Variants in RFX3 observed in about 807,000 individuals in gnomAD.
RFX3 encodes regulatory factor X3.
Under a neutral mutation model 98.6 loss-of-function variants are expected in RFX3, and 14 were observed. The ratio of observed to expected loss-of-function variants is 0.14; its 90% CI spans 0.09 to 0.22. The LOEUF is 0.22. RFX3 is among the 10% of genes least tolerant of loss of function. The probability of loss-of-function intolerance (pLI) is 1.00; values close to 1 mark genes in which losing one functional copy is unlikely to be tolerated. For missense variants in RFX3, 639 were observed against 926.9 expected, an observed-to-expected ratio of 0.69 and a Z score of 4.03; for synonymous variants, 383 against 328.4, an observed-to-expected ratio of 1.17 and a Z score of -1.80.
chr9:3,448,297 A>C (rs1023379659), intron 1 of RFX3, among the ~76,000 whole-genome samples: 1 of 152,174 alleles, frequency 6.6e-6, no homozygotes, highest in African/African-American at 2.4e-5. Context: ...CTTTCCAAAA[A>C]AGGAGAGTCA....
intron 1 of RFX3, among the ~76,000 whole-genome samples, chr9:3,427,601 G>A (rs1354066748): frequency 6.6e-6 from 1 of 151,352 alleles, no homozygotes; most frequent in East Asian, 1.9e-4. Context: ...TATAATTACT[G>A]TCTAAACACC....
chr9:3,325,975 G>A (rs1442445003), intron 4 of RFX3, among the ~76,000 whole-genome samples: 1 of 152,108 alleles, frequency 6.6e-6, no homozygotes, highest in Non-Finnish European at 1.5e-5. Context: ...TAATGTCCAT[G>A]TGCTACTGAA....
chr9:3,275,743 T>G (rs896072408), intron 8 of RFX3, 131 bp from the exon 9 acceptor site: 2 of 533,900 alleles, frequency 3.7e-6, no homozygotes, highest in Non-Finnish European at 6.7e-6. Flanking sequence ...AGCAAGGACA[T>G]TTTATATTAA....
chr9:3,489,345 C>A (rs759726315), intron 1 of RFX3: 123 of 749,210 alleles, frequency 1.6e-4, no homozygotes, highest in Non-Finnish European at 1.9e-4. Context: ...CTATCCACCC[C>A]ACCCTGACTC....
rs370122210 is a variant in RFX3, at chr9:3,424,555, C to T, written c.-8-28959G>A. Among the ~76,000 whole-genome samples, 1,127 of 150,246 alleles carry T rather than the reference C, an allele frequency of 7.5e-3. 15 individuals are homozygous for T. Among genetic ancestry groups the T allele is most frequent in the East Asian group, 0.016 (80 of 4,944 alleles). ...TTTTGTATTTTTAGTAGAGACGGGG[C>T]TTCACCGTGTTAGCCGGGATGGTCT... is the stretch of plus-strand genomic sequence containing the variant. On this transcript the variant is annotated intron_variant, in intron 1 of 16. Coordinates refer to ENST00000617270, the MANE Select transcript of RFX3 (RefSeq NM_001282116.2).
At chr9:3,500,833 ATACT>A (rs1815923483) in intron 1 of RFX3, among the ~76,000 whole-genome samples, 1 of 152,190 alleles carries the variant, frequency 6.6e-6, no homozygotes. Context: ...CAGTTATTTA[ATACT>A]TAGTCAATTA....
intron 2 of RFX3, among the ~76,000 whole-genome samples, chr9:3,351,666 C>G: frequency 6.6e-6 from 1 of 151,782 alleles, no homozygotes; most frequent in Non-Finnish European, 1.5e-5. Flanking sequence ...GGGTGGGTCA[C>G]AAAATTAAAA....
chr9:3,518,988 T>G (rs1818446161), intron 1 of RFX3, among the ~76,000 whole-genome samples: 1 of 152,048 alleles, frequency 6.6e-6, no homozygotes, highest in East Asian at 1.9e-4. Flanking sequence ...CTGACTAGAC[T>G]ATTTATTATT....
At chr9:3,463,537 AC>A (rs1270516639) in intron 1 of RFX3, among the ~76,000 whole-genome samples, 3 of 152,170 alleles carry the variant, frequency 2.0e-5, no homozygotes, top group Non-Finnish European at 4.4e-5. Context: ...TTGAAAAGGC[AC>A]ACTTAAGAAA....
At chr9:3,444,855 G>A (rs1564109115) in intron 1 of RFX3, among the ~76,000 whole-genome samples, 1 of 152,208 alleles carries the variant, frequency 6.6e-6, no homozygotes, top group African/African-American at 2.4e-5. Flanking sequence ...GGACTGCTTT[G>A]TAACATAAAG....
chr9:3,433,634 A>G (rs1304190892), intron 1 of RFX3, among the ~76,000 whole-genome samples: 1 of 152,170 alleles, frequency 6.6e-6, no homozygotes, highest in African/African-American at 2.4e-5. Flanking sequence ...ACTGTATTTC[A>G]TTTGTATTGT....
chr9:3,320,730 A>G (rs527767523), intron 4 of RFX3, among the ~76,000 whole-genome samples: 1 of 124,450 alleles, frequency 8.0e-6, no homozygotes, highest in South Asian at 2.3e-4. Context: ...ATACACACAC[A>G]TATGTGCCTA....
chr9:3,255,521 G>C (rs769795001), intron 14 of RFX3, among the ~76,000 whole-genome samples: 13 of 152,168 alleles, frequency 8.5e-5, no homozygotes, highest in Non-Finnish European at 1.5e-4. Context: ...CTTTACAGCA[G>C]ATATTAATCT....
intron 1 of RFX3, among the ~76,000 whole-genome samples, chr9:3,477,002 A>G (rs1849324414): frequency 6.6e-6 from 1 of 152,184 alleles, no homozygotes; most frequent in Admixed American, 6.5e-5. Flanking sequence ...TAATGAGAAA[A>G]TGATGTAATA....
rs1817322688 is a variant in RFX3 at position 3,221,153 on chromosome 9, C to T, written c.*3889G>A. The T allele has an allele frequency of 6.6e-6, 1 of 152,064 alleles. No individual in the cohort carries two copies. Among genetic ancestry groups the T allele is most frequent in the Non-Finnish European group, 1.5e-5 (1 of 68,008 alleles). 9.4% of individuals were successfully genotyped at this position (152,064 alleles called of 1,614,324 possible). A position where few individuals can be genotyped will look rare whatever the true frequency, so the allele number is the denominator to read the frequency against. On this transcript the variant is annotated 3_prime_UTR_variant, in exon 17 of 17. Coordinates refer to ENST00000617270, the MANE Select transcript of RFX3 (RefSeq NM_001282116.2). ...CAAGTTTTTTCTTTCTACTTGTGTC[C>T]ACACAGGGAGGACCAACATCACAGT... is the stretch of plus-strand genomic sequence containing the variant.
chr9:3,474,470 C>T (rs906164631), intron 1 of RFX3, among the ~76,000 whole-genome samples: 1 of 152,166 alleles, frequency 6.6e-6, no homozygotes, highest in African/African-American at 2.4e-5. Flanking sequence ...GAAGGAAATT[C>T]CGTGATTGTC....
intron 7 of RFX3, among the ~76,000 whole-genome samples, chr9:3,283,234 C>G (rs1826140147): frequency 6.6e-6 from 1 of 151,754 alleles, no homozygotes; most frequent in African/African-American, 2.4e-5. Flanking sequence ...CTCCAAAACA[C>G]TAAATATCCC....
Position 3,270,377 on chromosome 9 carries a change from T to C in RFX3, c.1351A>G (p.Ile451Val), listed in dbSNP as rs766398506. The part of the protein sequence containing the change: ...EILIPDVLRP[I>V]PSALTQAIRN... ...TCGTCTGCATTTAACTTACTAGGAA[T>C]AGGTCTAAGGACGTCGGGGATGAGA... is the stretch of plus-strand genomic sequence containing the variant. Residue 451 changes from isoleucine to valine, a missense_variant, in exon 11 of 17, where the codon ATT (isoleucine) becomes GTT (valine). By Grantham distance (29) the Ile-to-Val change is conservative. Around this residue, in one of 9 missense-constraint regions of RFX3, gnomAD observed 138 missense variants for 308.9 expected, o/e 0.45. Coordinates refer to ENST00000617270, the MANE Select transcript of RFX3 (RefSeq NM_001282116.2). 3.1e-6 allele frequency: 5 copies of C among 1,611,510 alleles called. No homozygotes were observed. The highest frequency in any genetic ancestry group is 2.2e-5 in the East Asian group (1 of 44,828).
intron 5 of RFX3, among the ~76,000 whole-genome samples, chr9:3,301,203 C>T (rs114173721): frequency 0.011 from 1,556 of 142,790 alleles, 27 homozygotes; most frequent in African/African-American, 0.036. Flanking sequence ...ATGCAGATTA[C>T]AAGTATTTGC....
Sources: allele counts gnomAD v4.1 joint callset (sites outside exome capture counted in the v4.1 genomes callset), GRCh38; gene constraint gnomAD v4.1.1; regional missense constraint gnomAD v4.1.1; transcripts MANE v1.5; gene names NCBI Gene and HGNC (gene_info 2026-07-23, HGNC 2026-07-21).